Variants in NSL1 observed in about 807,000 individuals in gnomAD.
NSL1 encodes kinetochore-associated protein NSL1 homolog.
In NSL1, 11 loss-of-function variants were observed where a neutral mutation model predicts 25.4. The ratio of observed to expected loss-of-function variants is 0.43; its 90% CI spans 0.27 to 0.72. The LOEUF is 0.72. NSL1 is among the 30% of genes least tolerant of loss of function. NSL1 has a pLI of 0.19. For missense variants in NSL1, 330 were observed against 342.7 expected, an observed-to-expected ratio of 0.96 and a Z score of 0.29; for synonymous variants, 118 against 120.6, an observed-to-expected ratio of 0.98 and a Z score of 0.14.
At chr1:212,775,332 T>C (rs886386294) in intron 4 of NSL1, among the ~76,000 whole-genome samples, 3 of 152,304 alleles carry the variant, frequency 2.0e-5, no homozygotes, top group African/African-American at 2.4e-5. Flanking sequence ...TATCATGATG[T>C]TGCATAACTC....
At chr1:212,748,023 C>T (rs550152627) in intron 4 of NSL1, among the ~76,000 whole-genome samples, 1 of 152,332 alleles carries the variant, frequency 6.6e-6, no homozygotes, top group Non-Finnish European at 1.5e-5. Flanking sequence ...ACCTTGGCCT[C>T]CCAAAGTGCT....
At chr1:212,780,668 C>A (rs1660697024) in intron 4 of NSL1, among the ~76,000 whole-genome samples, 1 of 152,112 alleles carries the variant, frequency 6.6e-6, no homozygotes, top group East Asian at 1.9e-4. Context: ...TTTCCACTTT[C>A]TTACTAAGCC....
chr1:212,759,043 T>C (rs1659439626), intron 4 of NSL1, among the ~76,000 whole-genome samples: 1 of 152,144 alleles, frequency 6.6e-6, no homozygotes, highest in South Asian at 2.1e-4. Context: ...CAACAAATGG[T>C]GCTTAAAACA....
At position 212,732,572 on chromosome 1, in the gene NSL1, G is replaced by A. The variant is rs1571856158; in HGVS notation, c.*5836C>T. On this transcript the variant is annotated 3_prime_UTR_variant, in exon 6 of 6. Transcript: ENST00000366977. The stretch of plus-strand genomic sequence containing the variant: ...GCCTCCCAAGGTGCTGGGATTACAG[G>A]TGTGAGCCACCGCACCCGGCCTACA... 7.2e-6 allele frequency: 7 copies of A among 970,480 alleles called. No individual in the cohort carries two copies. The East Asian group carries it at 6.9e-4, about 95-fold the overall frequency. The allele number at this position is 970,480 out of a possible 1,614,324, so 60.1% of individuals were successfully genotyped here.
At chr1:212,753,672 G>T (rs1269955230) in intron 4 of NSL1, among the ~76,000 whole-genome samples, 5 of 152,096 alleles carry the variant, frequency 3.3e-5, no homozygotes, top group Non-Finnish European at 7.4e-5. Flanking sequence ...GGACCAATGA[G>T]TAACAGTCAC....
chr1:212,736,295 A>C lies in NSL1; in HGVS notation c.*2113T>G. On this transcript the variant is annotated 3_prime_UTR_variant, in exon 6 of 6. Transcript: ENST00000366977. ...CACTTCAGCCTCCCAAAGTGCTGGG[A>C]TTACAGGCATGAGCCCACCGCGCCT... 1.0e-6 allele frequency: 1 copy of C among 959,030 alleles called. No individual in the cohort carries two copies. Among genetic ancestry groups the C allele is most frequent in the African/African-American group, 1.8e-5 (1 of 56,822 alleles). 59.4% of individuals were successfully genotyped at this position (959,030 alleles called of 1,614,324 possible).
intron 2 of NSL1, among the ~76,000 whole-genome samples, chr1:212,786,601 A>G (rs1660957144): frequency 6.6e-6 from 1 of 152,130 alleles, no homozygotes; most frequent in Non-Finnish European, 1.5e-5. Flanking sequence ...TGAGTTTGAG[A>G]GTTCGAGACC....
chr1:212,762,235 T>C lies in NSL1; in HGVS notation c.499+20137A>G, dbSNP rs1183230000. 2.0e-5 allele frequency among the ~76,000 whole-genome samples: 3 copies of C among 148,662 alleles called. No individual in the cohort carries two copies. The East Asian group carries it at 5.9e-4, about 29-fold the overall frequency. On this transcript the variant is annotated intron_variant, in intron 4 of 5. Coordinates refer to ENST00000366977, the MANE Select transcript of NSL1 (RefSeq NM_015471.4). ...ATCACTTGAACCCGGGAGGCAGAGG[T>C]TGCGGTGCGCCAAGATCGCTCCACT...
intron 4 of NSL1, among the ~76,000 whole-genome samples, chr1:212,741,335 A>G (rs548157538): frequency 1.3e-5 from 2 of 152,322 alleles, no homozygotes; most frequent in South Asian, 2.1e-4. Flanking sequence ...TTTATGATGT[A>G]TCTTCCATGG....
At chr1:212,777,744 A>C (rs1220245520) in intron 4 of NSL1, among the ~76,000 whole-genome samples, 2 of 152,242 alleles carry the variant, frequency 1.3e-5, no homozygotes, top group Non-Finnish European at 2.9e-5. Flanking sequence ...ACTATATCTG[A>C]ACATTTTAGT....
At position 212,726,770 on chromosome 1, in the gene NSL1, C is replaced by T. The variant is rs965487551; in HGVS notation, c.*11638G>A. The T allele has an allele frequency of 3.5e-5, 7 of 200,708 alleles. No individual in the cohort carries two copies. The highest frequency in any genetic ancestry group is 1.6e-4 in the African/African-American group (7 of 43,154). The allele number at this position is 200,708 out of a possible 1,614,324, so 12.4% of individuals were successfully genotyped here. On this transcript the variant is annotated 3_prime_UTR_variant, in exon 6 of 6. Transcript: ENST00000366977. The stretch of plus-strand genomic sequence containing the variant: ...TGATTGGGTCACTCTCCATGGTGTC[C>T]ATGAGAGGCTGCCAGCCACCTCGGT...
intron 4 of NSL1, among the ~76,000 whole-genome samples, chr1:212,777,423 A>AAGTT (rs1180478343): frequency 6.6e-6 from 1 of 152,156 alleles, no homozygotes; most frequent in Non-Finnish European, 1.5e-5. Flanking sequence ...GGAACAATCT[A>AAGTT]AGTTAGTCCC....
chr1:212,776,411 G>A (rs932664271), intron 4 of NSL1, among the ~76,000 whole-genome samples: 2 of 151,566 alleles, frequency 1.3e-5, no homozygotes, highest in Non-Finnish European at 2.9e-5. Flanking sequence ...TAAATTAGCT[G>A]GGCATGGTGG....
At chr1:212,781,244 C>T (rs113045315) in intron 4 of NSL1, among the ~76,000 whole-genome samples, 45 of 152,288 alleles carry the variant, frequency 3.0e-4, no homozygotes, top group African/African-American at 1.0e-3. Context: ...TTCAAAGGGT[C>T]ATTAACTAAG....
rs1658084758 is a variant in NSL1 at position 212,732,890 on chromosome 1, A to G, written c.*5518T>C. ...CCTAGGTTGTATATCATTTATGCTG[A>G]GAATATTTCTCCAGATGCTTCTAGA... On this transcript the variant is annotated 3_prime_UTR_variant, in exon 6 of 6. Coordinates refer to ENST00000366977, the MANE Select transcript of NSL1 (RefSeq NM_015471.4). Among the ~76,000 whole-genome samples, 4 of 152,152 alleles carry G rather than the reference A, an allele frequency of 2.6e-5. No individual in the cohort carries two copies. Among genetic ancestry groups the G allele is most frequent in the Admixed American group, 2.0e-4 (3 of 15,272 alleles).
rs1661267293 is a variant in NSL1 at position 212,791,528 on chromosome 1, A to T, written c.234+2T>A. ...TAAAGAACTGGCTAACTGGTCCCGT[A>T]CCCACTGCGCATCTCGCAGAGCGGG... On this transcript the variant is annotated splice_donor_variant, in intron 1 of 5. Coordinates refer to ENST00000366977, the MANE Select transcript of NSL1 (RefSeq NM_015471.4). LOFTEE classifies it high-confidence loss of function. 6.2e-7 allele frequency: 1 copy of T among 1,612,404 alleles called. No individual in the cohort carries two copies. The highest frequency in any genetic ancestry group is 1.3e-5 in the African/African-American group (1 of 74,914).
chr1:212,743,725 C>T (rs1658615540), intron 4 of NSL1, among the ~76,000 whole-genome samples: 2 of 152,080 alleles, frequency 1.3e-5, no homozygotes, highest in Admixed American at 1.3e-4. Flanking sequence ...TATCAAAAAT[C>T]TGGAAAACAG....
intron 4 of NSL1, among the ~76,000 whole-genome samples, chr1:212,757,937 T>C (rs1254973513): frequency 6.6e-6 from 1 of 152,114 alleles, no homozygotes; most frequent in African/African-American, 2.4e-5. Flanking sequence ...GTTTCCAAGG[T>C]AAAGGCAGCA....
rs2102418747 is a variant in NSL1 at position 212,730,364 on chromosome 1, A to T, written c.*8044T>A. The T allele has an allele frequency of 1.0e-6, 1 of 985,210 alleles. No homozygotes were observed. The allele number at this position is 985,210 out of a possible 1,614,324, so 61.0% of individuals were successfully genotyped here. A position where few individuals can be genotyped will look rare whatever the true frequency, so the allele number is the denominator to read the frequency against. On this transcript the variant is annotated 3_prime_UTR_variant, in exon 6 of 6. Transcript: ENST00000366977. Reference sequence around the variant, plus strand: ...CATCAGGGGCAGAAATGGACAAAAGAACTCCAATGACATCATTGTAGAAGA... The same window carrying T: ...CATCAGGGGCAGAAATGGACAAAAGTACTCCAATGACATCATTGTAGAAGA...
Sources: gnomAD v4.1 joint callset for allele counts (sites outside exome capture counted in the v4.1 genomes callset) on GRCh38, gnomAD v4.1.1 for gene constraint, MANE v1.5 for transcripts, NCBI Gene and HGNC (gene_info 2026-07-23, HGNC 2026-07-21) for gene names.